Variants in ING5 observed in about 807,000 individuals in gnomAD.
ING5 encodes the protein inhibitor of growth protein 5.
ING5 carries 17 observed loss-of-function variants against 37.4 expected under a neutral mutation model. The ratio of observed to expected loss-of-function variants is 0.45; its 90% CI spans 0.31 to 0.68. The LOEUF (loss-of-function observed/expected upper bound fraction) is 0.68, where lower values mean the gene tolerates loss of function less well. ING5 is among the 30% of genes least tolerant of loss of function. The pLI is 0.05. For synonymous variants in ING5, 123 were observed against 116.6 expected, an observed-to-expected ratio of 1.06 and a Z score of -0.36; for missense variants, 233 against 311.9, an observed-to-expected ratio of 0.75 and a Z score of 1.91.
chr2:241,717,663 T>C (rs1334719457), intron 5 of ING5, among the ~76,000 whole-genome samples: 1 of 151,830 alleles, frequency 6.6e-6, no homozygotes, highest in African/African-American at 2.4e-5. Context: ...ATTCTGATGA[T>C]AAATTACTGA....
At chr2:241,702,834 C>T (rs2069786087) in intron 1 of ING5, among the ~76,000 whole-genome samples, 1 of 152,378 alleles carries the variant, frequency 6.6e-6, no homozygotes, top group East Asian at 1.9e-4. Context: ...GGGCAGACCC[C>T]ACGCGGGACC....
chr2:241,689,932 T>C (rs1448529039), exon 2 of ING5: 1 of 140,526 alleles, frequency 7.1e-6, no homozygotes, highest in Non-Finnish European at 1.6e-5. Context: ...AAGGGGATTG[T>C]AGGAAGGAAG....
At chr2:241,721,592 C>T in intron 5 of ING5, 2 of 985,414 alleles carry the variant, frequency 2.0e-6, no homozygotes, top group Non-Finnish European at 2.4e-6. Flanking sequence ...ACTTCTGCTC[C>T]TTGGCTTTCC....
At chr2:241,721,881 T>A (rs1281809562) in intron 5 of ING5, 11 of 985,566 alleles carry the variant, frequency 1.1e-5, no homozygotes, top group Non-Finnish European at 1.3e-5. Context: ...GTGCTACAGG[T>A]GGCAGGCTTG....
intron 5 of ING5, chr2:241,712,405 G>A (rs1475355169): frequency 2.0e-5 from 5 of 247,876 alleles, no homozygotes; most frequent in Admixed American, 4.9e-5. Flanking sequence ...GGTGAGCAAC[G>A]TGTTGTTGAC....
intron 1 of ING5, among the ~76,000 whole-genome samples, chr2:241,702,376 G>A (rs968258400): frequency 1.3e-5 from 2 of 149,950 alleles, no homozygotes; most frequent in East Asian, 2.0e-4. Context: ...CGGGGCTTGC[G>A]GCCTCGACCC....
chr2:241,711,052 A>G (rs967244118), intron 3 of ING5, among the ~76,000 whole-genome samples: 19 of 152,208 alleles, frequency 1.2e-4, no homozygotes, highest in Non-Finnish European at 2.6e-4. Flanking sequence ...CCTGGCCTCC[A>G]GGTAGCCATA....
chr2:241,728,938 T>G lies in ING5; in HGVS notation c.*3907T>G, dbSNP rs1032119590. 1 of 152,264 alleles carries G rather than the reference T, an allele frequency of 6.6e-6. No homozygotes were observed. Among genetic ancestry groups the G allele is most frequent in the South Asian group, 2.1e-4 (1 of 4,836 alleles). 9.4% of individuals were successfully genotyped at this position (152,264 alleles called of 1,614,324 possible). A position where few individuals can be genotyped will look rare whatever the true frequency, so the allele number is the denominator to read the frequency against. Reference sequence around the variant, plus strand: ...TGGTGTCCAGCAGCCCTGCCGGACTTGGCCTCCTGTCCTGTCGTTGGGAGC... The same window carrying G: ...TGGTGTCCAGCAGCCCTGCCGGACTGGGCCTCCTGTCCTGTCGTTGGGAGC... On this transcript the variant is annotated 3_prime_UTR_variant, in exon 8 of 8. Transcript: ENST00000313552.
Position 241,722,619 on chromosome 2 carries a change from C to G in ING5, c.483-320C>G, listed in dbSNP as rs575766729. The G allele has an allele frequency of 1.8e-5, 18 of 985,276 alleles. No individual in the cohort carries two copies. In the South Asian group the frequency reaches 7.1e-4, roughly 39 times the overall value. 61.0% of individuals were successfully genotyped at this position (985,276 alleles called of 1,614,324 possible). Reference sequence around the variant, plus strand: ...CTTGCTGCGCCTTCTTAGAACATTGCGTGTTCAGAGGGGTTATTGAGGTTT... The same window carrying G: ...CTTGCTGCGCCTTCTTAGAACATTGGGTGTTCAGAGGGGTTATTGAGGTTT... On this transcript the variant is annotated intron_variant, in intron 5 of 7. Transcript: ENST00000313552.
chr2:241,710,467 C>T (rs1003863280), intron 3 of ING5, among the ~76,000 whole-genome samples: 1 of 151,310 alleles, frequency 6.6e-6, no homozygotes, highest in African/African-American at 2.4e-5. Context: ...TACCAACAGG[C>T]TAATTTTTGT....
At chr2:241,699,163 T>C (rs2124863335), upstream of ING5, among the ~76,000 whole-genome samples, 1 of 151,912 alleles carries the variant, frequency 6.6e-6, no homozygotes. Context: ...CAGCTGAGAT[T>C]GCAGGCCCAT....
At chr2:241,689,479 C>A (rs2069515099) in intron 1 of ING5, among the ~76,000 whole-genome samples, 1 of 152,202 alleles carries the variant, frequency 6.6e-6, no homozygotes, top group Non-Finnish European at 1.5e-5. Context: ...AGTCTGCTGT[C>A]ATGTGCCCTG....
chr2:241,688,663 C>G (rs34424237), intron 1 of ING5, among the ~76,000 whole-genome samples: 60,612 of 151,898 alleles, frequency 0.4, 12,211 homozygotes, highest in Middle Eastern at 0.49. Context: ...CTGCTCTGTC[C>G]CCCAGGCTGG....
At chr2:241,715,405 A>G (rs1383404741) in intron 5 of ING5, among the ~76,000 whole-genome samples, 1 of 150,888 alleles carries the variant, frequency 6.6e-6, no homozygotes, top group African/African-American at 2.4e-5. Context: ...CATGTTGCCC[A>G]GGGTGGTCTT....
At chr2:241,700,059 T>A (rs79708335), upstream of ING5, among the ~76,000 whole-genome samples, 50,260 of 149,866 alleles carry the variant, frequency 0.34, 9,164 homozygotes, top group Middle Eastern at 0.42. Context: ...CTCGGCTCAC[T>A]GCAACCTCCA....
intron 4 of ING5, 140 bp from the exon 5 acceptor site, chr2:241,711,838 C>A: frequency 1.3e-6 from 1 of 755,014 alleles, no homozygotes; most frequent in Non-Finnish European, 2.1e-6. Flanking sequence ...GAGGTCAAGG[C>A]TGCGGTGAGC....
chr2:241,693,338 T>TTTTGAGGG (rs1267060701), intron 2 of ING5, among the ~76,000 whole-genome samples: 1 of 150,816 alleles, frequency 6.6e-6, no homozygotes, highest in Non-Finnish European at 1.5e-5. Flanking sequence ...AACACAGGAA[T>TTTTGAGGG]TTTGAGGGAC....
chr2:241,712,866 A>G (rs1488334264), intron 5 of ING5, among the ~76,000 whole-genome samples: 1 of 152,118 alleles, frequency 6.6e-6, no homozygotes, highest in East Asian at 1.9e-4. Context: ...ATCTCTACAA[A>G]AAATAGAAAA....
At chr2:241,722,677 C>T (rs1281924633) in intron 5 of ING5, 4 of 985,308 alleles carry the variant, frequency 4.1e-6, no homozygotes, top group Non-Finnish European at 3.6e-6. Flanking sequence ...AAAACGTCCA[C>T]AAGGTGTGTA....
Sources: allele counts gnomAD v4.1 joint callset (sites outside exome capture counted in the v4.1 genomes callset), GRCh38; gene constraint gnomAD v4.1.1; transcripts MANE v1.5; gene names NCBI Gene and HGNC (gene_info 2026-07-23, HGNC 2026-07-21).